The following SYNDIG1 variants were observed in gnomAD, a reference collection of about 807,000 sequenced individuals.
The protein encoded by SYNDIG1 is synapse differentiation-inducing gene protein 1.
A neutral mutation model predicts 19.4 loss-of-function variants in SYNDIG1; 9 were observed. The ratio of observed to expected loss-of-function variants is 0.46; its 90% CI spans 0.28 to 0.81. SYNDIG1 has a LOEUF of 0.81. SYNDIG1 is among the 30% of genes least tolerant of loss of function. The pLI is 0.12. For synonymous variants in SYNDIG1, 141 were observed against 145.9 expected (o/e 0.97, Z 0.24); for missense variants, 311 against 343.3 (o/e 0.91, Z 0.74).
rs1169253667 is a variant in SYNDIG1, at chr20:24,494,612, C to A, written c.-79+24859C>A. Among the ~76,000 whole-genome samples the A allele has an allele frequency of 2.0e-5, 3 of 151,434 alleles. No homozygotes were observed. In the East Asian group the frequency reaches 5.8e-4, roughly 29 times the overall value. The stretch of plus-strand genomic sequence containing the variant: ...GGAGGAACAGGATGCAGGGAACAGA[C>A]CCCCCCGGGAGAGGTGCATGTGGCC... On this transcript the variant is annotated intron_variant, in intron 1 of 3. Coordinates refer to ENST00000376862, the MANE Select transcript of SYNDIG1 (RefSeq NM_024893.3).
chr20:24,533,402 T>C (rs1363559166), intron 1 of SYNDIG1, among the ~76,000 whole-genome samples: 3 of 152,162 alleles, frequency 2.0e-5, no homozygotes, highest in Non-Finnish European at 4.4e-5. Context: ...TTTACAGAGC[T>C]GTGGGTTTAC....
chr20:24,594,319 G>A (rs56767350), intron 3 of SYNDIG1, among the ~76,000 whole-genome samples: 59 of 152,088 alleles, frequency 3.9e-4, no homozygotes, highest in Admixed American at 1.5e-3. Context: ...TTGTTTTGTC[G>A]ACTTTGTCGA....
chr20:24,537,734 A>C (rs912895991), intron 1 of SYNDIG1, among the ~76,000 whole-genome samples: 9 of 152,146 alleles, frequency 5.9e-5, no homozygotes, highest in African/African-American at 2.2e-4. Flanking sequence ...GCAAGATGAA[A>C]GAGGGATGCC....
At chr20:24,527,866 A>T (rs1053496963) in intron 1 of SYNDIG1, among the ~76,000 whole-genome samples, 1 of 152,190 alleles carries the variant, frequency 6.6e-6, no homozygotes, top group Non-Finnish European at 1.5e-5. Context: ...CTGGGGCTTA[A>T]CATGCCCTTC....
chr20:24,604,487 T>C (rs946201873), intron 3 of SYNDIG1, among the ~76,000 whole-genome samples: 2 of 152,208 alleles, frequency 1.3e-5, no homozygotes, highest in African/African-American at 4.8e-5. Flanking sequence ...GCTAATTACA[T>C]GCACCGCCAT....
Position 24,641,797 on chromosome 20 carries a change from T to A in SYNDIG1, c.619-23549T>A, listed in dbSNP as rs74756367. On this transcript the variant is annotated intron_variant, in intron 3 of 3. Coordinates refer to ENST00000376862, the MANE Select transcript of SYNDIG1 (RefSeq NM_024893.3). ...TCACAGCTCCTGGTCTCTCACCTTG[T>A]CCCATGCCACGCCCTGATGTTTTTA... Among the ~76,000 whole-genome samples, 155 of 152,302 alleles carry A rather than the reference T, an allele frequency of 1.0e-3. 1 individual carries two copies. The East Asian group carries it at 0.021, about 21-fold the overall frequency.
chr20:24,552,241 G>A (rs2057719638), intron 2 of SYNDIG1, among the ~76,000 whole-genome samples: 1 of 152,112 alleles, frequency 6.6e-6, no homozygotes, highest in South Asian at 2.1e-4. Context: ...GTTCCATCTA[G>A]AACCTGCTGC....
At position 24,532,922 on chromosome 20, in the gene SYNDIG1, G is replaced by A. The variant is rs187583559; in HGVS notation, c.-78-10098G>A. On this transcript the variant is annotated intron_variant, in intron 1 of 3. Transcript: ENST00000376862. ...GTGGAATCCAAAAGACATCACCAGGGCACATCCTGGAGGTTGCTGGAGCAG... is the reference window on the plus strand; with the variant it reads ...GTGGAATCCAAAAGACATCACCAGGACACATCCTGGAGGTTGCTGGAGCAG... 2.3e-4 allele frequency among the ~76,000 whole-genome samples: 35 copies of A among 152,296 alleles called. No homozygotes were observed. In the East Asian group the frequency reaches 6.6e-3, roughly 29 times the overall value.
At chr20:24,486,094 G>T (rs6049725) in intron 1 of SYNDIG1, among the ~76,000 whole-genome samples, 23 of 152,324 alleles carry the variant, frequency 1.5e-4, no homozygotes, top group African/African-American at 5.3e-4. Flanking sequence ...AGCCAGGGAG[G>T]GTCACCCCAG....
intron 3 of SYNDIG1, among the ~76,000 whole-genome samples, chr20:24,595,515 T>C (rs778828954): frequency 2.0e-5 from 3 of 152,248 alleles, no homozygotes; most frequent in African/African-American, 4.8e-5. Flanking sequence ...CCTCATAGGA[T>C]GTGTTAAGGA....
intron 1 of SYNDIG1, among the ~76,000 whole-genome samples, chr20:24,535,284 T>C (rs1359347561): frequency 6.6e-6 from 1 of 152,176 alleles, no homozygotes; most frequent in East Asian, 1.9e-4. Flanking sequence ...AAAGGGAAGA[T>C]GTGGGAAATT....
intron 3 of SYNDIG1, among the ~76,000 whole-genome samples, chr20:24,608,078 A>G (rs148221730): frequency 1.3e-5 from 2 of 152,328 alleles, no homozygotes; most frequent in African/African-American, 2.4e-5. Flanking sequence ...TTCCAGTTGT[A>G]TACCTAATAA....
At chr20:24,621,687 A>G (rs1191091833) in intron 3 of SYNDIG1, among the ~76,000 whole-genome samples, 3 of 152,200 alleles carry the variant, frequency 2.0e-5, no homozygotes, top group Admixed American at 6.5e-5. Flanking sequence ...CCAAAGAATG[A>G]TACTTGATCA....
intron 1 of SYNDIG1, among the ~76,000 whole-genome samples, chr20:24,511,183 A>C (rs967159242): frequency 2.0e-5 from 3 of 152,120 alleles, no homozygotes; most frequent in Non-Finnish European, 4.4e-5. Context: ...TTCTTGGTAA[A>C]TTTTAAAATT....
At position 24,660,674 on chromosome 20, in the gene SYNDIG1, G is replaced by A. The variant is rs143986548; in HGVS notation, c.619-4672G>A. Among the ~76,000 whole-genome samples the A allele has an allele frequency of 3.2e-3, 489 of 152,346 alleles. 5 individuals carry two copies. Among genetic ancestry groups the A allele is most frequent in the African/African-American group, 0.011 (471 of 41,566 alleles). On this transcript the variant is annotated intron_variant, in intron 3 of 3. Coordinates refer to ENST00000376862, the MANE Select transcript of SYNDIG1 (RefSeq NM_024893.3). ...GTACACGGCTTGCTTTCTCATCTGG[G>A]CACTTGGCAGGTTCTTCTCAGGCCC...
intron 2 of SYNDIG1, among the ~76,000 whole-genome samples, chr20:24,568,217 G>C (rs1271616098): frequency 5.9e-5 from 9 of 152,216 alleles, no homozygotes; most frequent in Admixed American, 2.6e-4. Flanking sequence ...GGACATCGTT[G>C]CACTGCAGCT....
Position 24,521,077 on chromosome 20 carries a change from T to G in SYNDIG1, c.-78-21943T>G, listed in dbSNP as rs149925467. ...GTGGAATCATACAGTATTTGACCTTTTGTGACTGGCGTATTTCACTTAGCA... is the reference window on the plus strand; with the variant it reads ...GTGGAATCATACAGTATTTGACCTTGTGTGACTGGCGTATTTCACTTAGCA... On this transcript the variant is annotated intron_variant, in intron 1 of 3. Transcript: ENST00000376862. Among the ~76,000 whole-genome samples, 289 of 152,340 alleles carry G rather than the reference T, an allele frequency of 1.9e-3. 5 individuals are homozygous for G. The highest frequency in any genetic ancestry group is 9.6e-4 in the Non-Finnish European group (65 of 68,040).
chr20:24,623,917 T>A (rs2059078446), intron 3 of SYNDIG1, among the ~76,000 whole-genome samples: 1 of 152,166 alleles, frequency 6.6e-6, no homozygotes, highest in Non-Finnish European at 1.5e-5. Context: ...GTATTAATTA[T>A]CAGTTATATA....
At chr20:24,548,767 G>A (rs906296046) in intron 2 of SYNDIG1, among the ~76,000 whole-genome samples, 5 of 152,112 alleles carry the variant, frequency 3.3e-5, no homozygotes, top group Admixed American at 1.3e-4. Flanking sequence ...GTGAGTGAAC[G>A]AACATCCTTG....
Sources: gnomAD v4.1 joint callset for allele counts (sites outside exome capture counted in the v4.1 genomes callset) on GRCh38, gnomAD v4.1.1 for gene constraint, MANE v1.5 for transcripts, NCBI Gene and HGNC (gene_info 2026-07-23, HGNC 2026-07-21) for gene names.